Variants in AKR1E2 observed in about 807,000 individuals in gnomAD.
The protein encoded by AKR1E2 is 1,5-anhydro-D-fructose reductase.
AKR1E2 carries 43 observed loss-of-function variants against 41.9 expected under a neutral mutation model. The ratio of observed to expected loss-of-function variants is 1.03; its 90% CI spans 0.80 to 1.32. The LOEUF (loss-of-function observed/expected upper bound fraction) is 1.32. AKR1E2 is among the 40% of genes most tolerant of loss of function. The pLI is 0.00. For missense variants in AKR1E2, 423 were observed against 396.5 expected, an observed-to-expected ratio of 1.07 and a Z score of -0.57; for synonymous variants, 121 against 138.9, an observed-to-expected ratio of 0.87 and a Z score of 0.91.
In AKR1E2 at chr10:4,847,490, C is replaced by A. The variant is rs1307019680; in HGVS notation, c.923C>A (p.Thr308Asn). The change falls in exon 10 of 10, where the codon ACT (threonine) becomes AAT (asparagine). Residue 308 changes from threonine to asparagine, a missense_variant and splice_region_variant. Physicochemically the swap from Thr to Asn is moderately conservative, Grantham distance 65. Coordinates refer to ENST00000298375, the MANE Select transcript of AKR1E2 (RefSeq NM_001040177.3). ...TGATTTGTTTTTCTGTTTTTCAGAA[C>A]TAAAAATCACAAAGACTATCCTTTC... ...RNLRLAMFPI[T>N]KNHKDYPFHI... is the part of the protein sequence containing the mutation. The A allele has an allele frequency of 6.2e-7, 1 of 1,611,684 alleles. No homozygotes were observed. The highest frequency in any genetic ancestry group is 8.5e-7 in the Non-Finnish European group (1 of 1,179,370).
chr10:4,855,079 C>T, the AKR1E2 span, among the ~76,000 whole-genome samples: 38,743 of 152,044 alleles, frequency 0.25, 5,129 homozygotes, highest in Middle Eastern at 0.37. Flanking sequence ...GCTTCATGAC[C>T]ACAAGTTGCC....
chr10:4,836,825 G>A (rs1833463933), intron 4 of AKR1E2, among the ~76,000 whole-genome samples: 2 of 152,346 alleles, frequency 1.3e-5, no homozygotes, highest in South Asian at 4.1e-4. Context: ...ACTAACTGCT[G>A]CGTGTTGGCC....
Position 4,826,309 on chromosome 10 carries a change from G to GCGGC in AKR1E2, c.-11_-8dup, listed in dbSNP as rs1832492780. The GCGGC allele has an allele frequency of 1.6e-6, 2 of 1,232,748 alleles. No individual in the cohort carries two copies. The highest frequency in any genetic ancestry group is 8.5e-5 in the Admixed American group (2 of 23,650). 76.4% of individuals were successfully genotyped at this position (1,232,748 alleles called of 1,614,324 possible). On this transcript the variant is annotated 5_prime_UTR_variant, in exon 1 of 10. Transcript: ENST00000298375. ...GCGTGCGGGGCGGCGGGGCGGCGGGGCGGCCGGCGGCGGCCATGGGAGATA... is the reference window on the plus strand; with the variant it reads ...GCGTGCGGGGCGGCGGGGCGGCGGGGCGGCCGGCCGGCGGCGGCCATGGGAGATA...
intron 3 of AKR1E2, 77 bp downstream of exon 3, chr10:4,833,543 G>T: frequency 7.9e-7 from 1 of 1,265,084 alleles, no homozygotes; most frequent in Non-Finnish European, 1.2e-6. Context: ...TTGCGGTGGG[G>T]AGAGCATGGA....
At chr10:4,844,303 T>C (rs570316583) in intron 8 of AKR1E2, among the ~76,000 whole-genome samples, 158 of 152,142 alleles carry the variant, frequency 1.0e-3, no homozygotes, top group African/African-American at 3.6e-3. Flanking sequence ...GTTCGTGGTC[T>C]TATTGGCTTC....
the AKR1E2 span, among the ~76,000 whole-genome samples, chr10:4,869,455 A>G: frequency 6.6e-6 from 1 of 151,862 alleles, no homozygotes; most frequent in Non-Finnish European, 1.5e-5. Flanking sequence ...CTTGAACTTT[A>G]TCTTTTCAAA....
chr10:4,833,533 T>C (rs1833152154), intron 3 of AKR1E2, 67 bp downstream of exon 3: 1 of 1,365,670 alleles, frequency 7.3e-7, no homozygotes, highest in South Asian at 1.2e-5. Context: ...ACACCCTGTC[T>C]TGCGGTGGGG....
the AKR1E2 span, among the ~76,000 whole-genome samples, chr10:4,860,307 T>C: frequency 1.3e-5 from 2 of 152,202 alleles, no homozygotes; most frequent in African/African-American, 2.4e-5. Context: ...GTCAAGAATA[T>C]GTCTTCTCTC....
the AKR1E2 span, among the ~76,000 whole-genome samples, chr10:4,854,187 G>C: frequency 4.7e-5 from 7 of 149,206 alleles, no homozygotes; most frequent in Admixed American, 4.0e-4. Context: ...TCCACCTCCC[G>C]GGTTCAAGTG....
At chr10:4,832,941 C>A (rs1317911724) in intron 2 of AKR1E2, among the ~76,000 whole-genome samples, 1 of 152,140 alleles carries the variant, frequency 6.6e-6, no homozygotes, top group Non-Finnish European at 1.5e-5. Flanking sequence ...GGTTACAGTG[C>A]CTTAGGAACA....
Position 4,830,767 on chromosome 10 carries a change from G to A in AKR1E2, c.132G>A (p.Arg44=). The part of the protein sequence containing the change: ...FDCAYFYHNE[R]EVGAGIRCKI... Reference sequence around the variant, plus strand: ...GTGCTTACTTTTACCACAATGAGAGGGAGGTTGGAGCAGGGATCCGTTGCA... The same window carrying A: ...GTGCTTACTTTTACCACAATGAGAGAGAGGTTGGAGCAGGGATCCGTTGCA... Residue 44 remains arginine, a synonymous_variant, in exon 2 of 10, where the codon AGG becomes AGA. Transcript: ENST00000298375. 1 of 1,614,116 alleles carries A rather than the reference G, an allele frequency of 6.2e-7. No individual in the cohort carries two copies. The highest frequency in any genetic ancestry group is 8.5e-7 in the Non-Finnish European group (1 of 1,180,028).
intron 8 of AKR1E2, among the ~76,000 whole-genome samples, chr10:4,845,179 C>G (rs1250441167): frequency 5.9e-5 from 9 of 152,220 alleles, no homozygotes; most frequent in Admixed American, 2.6e-4. Context: ...CCTCATTGCC[C>G]AGGGCCAGCA....
the AKR1E2 span, among the ~76,000 whole-genome samples, chr10:4,866,153 T>A: frequency 6.6e-6 from 1 of 152,234 alleles, no homozygotes; most frequent in Non-Finnish European, 1.5e-5. Context: ...AGCAAAGTGA[T>A]CCTCTTTATC....
downstream of AKR1E2, among the ~76,000 whole-genome samples, chr10:4,848,940 G>A (rs1190088988): frequency 6.6e-6 from 1 of 152,234 alleles, no homozygotes; most frequent in Admixed American, 6.5e-5. Flanking sequence ...TAGGAAGAAT[G>A]CATTGTTACT....
chr10:4,866,112 T>A, the AKR1E2 span, among the ~76,000 whole-genome samples: 1 of 152,240 alleles, frequency 6.6e-6, no homozygotes, highest in Non-Finnish European at 1.5e-5. Context: ...TGTTTTTCAC[T>A]GTCCAGGCTA....
At chr10:4,856,723 A>G in the AKR1E2 span, among the ~76,000 whole-genome samples, 1 of 152,238 alleles carries the variant, frequency 6.6e-6, no homozygotes, top group Non-Finnish European at 1.5e-5. Flanking sequence ...TTAATACACT[A>G]GTTGTTACAT....
At chr10:4,828,958 T>G (rs1021743713) in intron 1 of AKR1E2, among the ~76,000 whole-genome samples, 5 of 152,212 alleles carry the variant, frequency 3.3e-5, no homozygotes, top group African/African-American at 1.2e-4. Flanking sequence ...TACATTTGTT[T>G]GGATTTTCTA....
chr10:4,839,017 G>A (rs1833659382), intron 5 of AKR1E2, among the ~76,000 whole-genome samples: 1 of 152,180 alleles, frequency 6.6e-6, no homozygotes, highest in Non-Finnish European at 1.5e-5. Context: ...GTTCCTGAGA[G>A]CAAACGCACT....
At chr10:4,849,104 G>C (rs1342328543), downstream of AKR1E2, among the ~76,000 whole-genome samples, 1 of 152,204 alleles carries the variant, frequency 6.6e-6, no homozygotes, top group African/African-American at 2.4e-5. Context: ...GACATGACTG[G>C]TGCAAGAGCT....
Sources: allele counts gnomAD v4.1 joint callset (sites outside exome capture counted in the v4.1 genomes callset), GRCh38; gene constraint gnomAD v4.1.1; transcripts MANE v1.5; gene names NCBI Gene and HGNC (gene_info 2026-07-23, HGNC 2026-07-21).